Variants in NFIA observed in about 807,000 individuals in gnomAD.
The protein encoded by NFIA is nuclear factor 1 A-type.
Under a neutral mutation model 62.8 loss-of-function variants are expected in NFIA, and 8 were observed. The ratio of observed to expected loss-of-function variants is 0.13; its 90% confidence interval spans 0.07 to 0.23. The LOEUF (loss-of-function observed/expected upper bound fraction) is 0.23. Among genes scored for constraint, NFIA ranks in the 10% least tolerant of loss-of-function variants. The probability of loss-of-function intolerance (pLI) is 1.00; values close to 1 mark genes in which losing one functional copy is unlikely to be tolerated. For missense variants in NFIA, 410 were observed against 642.1 expected (o/e 0.64, Z 3.91); for synonymous variants, 235 against 238.1 (o/e 0.99, Z 0.12).
intron 6 of NFIA, among the ~76,000 whole-genome samples, chr1:61,364,655 A>T (rs1663486861): frequency 6.6e-6 from 1 of 152,186 alleles, no homozygotes; most frequent in Non-Finnish European, 1.5e-5. Flanking sequence ...AACCTTTTTT[A>T]AAAAAACAAA....
chr1:61,153,100 TCAATG>T (rs1218236675), intron 2 of NFIA, among the ~76,000 whole-genome samples: 7 of 152,244 alleles, frequency 4.6e-5, no homozygotes, highest in Admixed American at 4.6e-4. Flanking sequence ...AGTTTTCTGA[TCAATG>T]AAACGAGTGT....
chr1:61,256,850 G>A (rs1334448883), intron 2 of NFIA, among the ~76,000 whole-genome samples: 1 of 152,090 alleles, frequency 6.6e-6, no homozygotes, highest in African/African-American at 2.4e-5. Context: ...CACTCACAGT[G>A]CCATACACAT....
At chr1:61,271,886 A>C (rs773913011) in intron 2 of NFIA, among the ~76,000 whole-genome samples, 1 of 152,250 alleles carries the variant, frequency 6.6e-6, no homozygotes, top group Non-Finnish European at 1.5e-5. Context: ...TTTCCCATTT[A>C]AAGAACCACA....
intron 2 of NFIA, among the ~76,000 whole-genome samples, chr1:61,121,247 C>T (rs549143939): frequency 4.6e-4 from 70 of 152,166 alleles, no homozygotes; most frequent in African/African-American, 1.7e-3. Flanking sequence ...AGGTAATATG[C>T]TATGCTGTTA....
At chr1:61,352,771 A>T (rs900464211) in intron 5 of NFIA, among the ~76,000 whole-genome samples, 58 of 151,860 alleles carry the variant, frequency 3.8e-4, no homozygotes, top group African/African-American at 1.2e-3. Flanking sequence ...ACACACACAC[A>T]CACACACACA....
chr1:61,164,738 G>C (rs944820231), intron 2 of NFIA, among the ~76,000 whole-genome samples: 1 of 152,144 alleles, frequency 6.6e-6, no homozygotes, highest in Non-Finnish European at 1.5e-5. Flanking sequence ...GGGATTACAG[G>C]TGTGAGCCAC....
chr1:61,176,859 C>T (rs1650389662), intron 2 of NFIA, among the ~76,000 whole-genome samples: 1 of 152,076 alleles, frequency 6.6e-6, no homozygotes, highest in South Asian at 2.1e-4. Context: ...AATCCCAGCA[C>T]TTTGGGAGGC....
At chr1:61,384,013 G>A (rs1030157332) in intron 7 of NFIA, among the ~76,000 whole-genome samples, 7 of 151,960 alleles carry the variant, frequency 4.6e-5, no homozygotes, top group Admixed American at 1.3e-4. Context: ...TTTGTATTTC[G>A]CATTAAAGAC....
intron 1 of NFIA, among the ~76,000 whole-genome samples, chr1:61,086,517 C>T (rs1313382663): frequency 6.6e-6 from 1 of 152,078 alleles, no homozygotes; most frequent in Non-Finnish European, 1.5e-5. Context: ...GTTACAAAAG[C>T]TGACTACTTC....
intron 3 of NFIA, among the ~76,000 whole-genome samples, chr1:61,304,752 A>T (rs989425820): frequency 6.6e-6 from 1 of 152,280 alleles, no homozygotes; most frequent in South Asian, 2.1e-4. Context: ...GCTCCCTGAG[A>T]TACCCAGCTG....
At chr1:61,336,142 CCT>C (rs1661593507) in intron 4 of NFIA, among the ~76,000 whole-genome samples, 1 of 152,178 alleles carries the variant, frequency 6.6e-6, no homozygotes, top group South Asian at 2.1e-4. Context: ...TTCATCAAAA[CCT>C]CTCCTATAAT....
At chr1:61,276,734 G>C (rs1309054159) in intron 2 of NFIA, among the ~76,000 whole-genome samples, 1 of 151,902 alleles carries the variant, frequency 6.6e-6, no homozygotes, top group African/African-American at 2.4e-5. Context: ...TAAAAATTAA[G>C]TTACTTTGAT....
At chr1:61,274,460 T>C (rs1273271015) in intron 2 of NFIA, among the ~76,000 whole-genome samples, 1 of 152,210 alleles carries the variant, frequency 6.6e-6, no homozygotes, top group Non-Finnish European at 1.5e-5. Context: ...ATTCTCTTCA[T>C]TGTAATATAC....
At chr1:61,249,267 C>T (rs1305212242) in intron 2 of NFIA, among the ~76,000 whole-genome samples, 2 of 151,980 alleles carry the variant, frequency 1.3e-5, no homozygotes, top group Non-Finnish European at 2.9e-5. Context: ...AAATTTAGAC[C>T]ACAACAACAT....
At chr1:61,317,457 AAC>A (rs1222754041) in intron 3 of NFIA, among the ~76,000 whole-genome samples, 1 of 152,102 alleles carries the variant, frequency 6.6e-6, no homozygotes, top group African/African-American at 2.4e-5. Flanking sequence ...TATTTTCATA[AAC>A]ACACAAATAT....
chr1:61,313,797 C>G (rs2100354058), intron 3 of NFIA, among the ~76,000 whole-genome samples: 1 of 152,336 alleles, frequency 6.6e-6, no homozygotes, highest in South Asian at 2.1e-4. Context: ...CAAACCTGTT[C>G]TAAGTGCTTC....
intron 9 of NFIA, among the ~76,000 whole-genome samples, chr1:61,415,206 T>A (rs923188336): frequency 6.6e-6 from 1 of 152,118 alleles, no homozygotes; most frequent in Non-Finnish European, 1.5e-5. Context: ...AAAATAATGT[T>A]TCTTACATCA....
intron 9 of NFIA, among the ~76,000 whole-genome samples, chr1:61,413,658 G>A (rs1157744828): frequency 2.6e-5 from 3 of 115,814 alleles, no homozygotes; most frequent in South Asian, 2.8e-4. Flanking sequence ...ATGGTGTCTC[G>A]CTTGGTCACC....
At chr1:61,349,432 C>T (rs1456512667) in intron 4 of NFIA, among the ~76,000 whole-genome samples, 1 of 152,010 alleles carries the variant, frequency 6.6e-6, no homozygotes, top group African/African-American at 2.4e-5. Flanking sequence ...TTCCTCATAC[C>T]GTCCCTCGAT....
Sources: allele counts gnomAD v4.1 joint callset (sites outside exome capture counted in the v4.1 genomes callset), GRCh38; gene constraint gnomAD v4.1.1; transcripts MANE v1.5; gene names NCBI Gene and HGNC (gene_info 2026-07-23, HGNC 2026-07-21).